INPP4B: variants seen among roughly 807,000 people sequenced by gnomAD.
The protein encoded by INPP4B is inositol polyphosphate 4-phosphatase type II.
A neutral mutation model predicts 122.5 loss-of-function variants in INPP4B; 55 were observed. That is an observed-to-expected ratio of 0.45 (90% CI 0.36 to 0.56). The LOEUF is 0.56. Among genes scored for constraint, INPP4B ranks in the 20% least tolerant of loss-of-function variants. INPP4B has a pLI of 0.00. For synonymous variants in INPP4B, 403 were observed against 388.7 expected, an observed-to-expected ratio of 1.04 and a Z score of -0.43; for missense variants, 1,000 against 1,097.7, an observed-to-expected ratio of 0.91 and a Z score of 1.26.
chr4:142,381,902 T>C (rs1020335028), intron 7 of INPP4B, among the ~76,000 whole-genome samples: 2 of 152,106 alleles, frequency 1.3e-5, no homozygotes, highest in African/African-American at 4.8e-5. Context: ...CTTCTTTTTG[T>C]CTATTACAAT....
chr4:142,229,129 T>C (rs956215498), intron 12 of INPP4B, among the ~76,000 whole-genome samples: 1 of 151,416 alleles, frequency 6.6e-6, no homozygotes, highest in African/African-American at 2.4e-5. Flanking sequence ...TAAGGTTTTC[T>C]ACATTTAATT....
intron 2 of INPP4B, among the ~76,000 whole-genome samples, chr4:142,664,010 C>T (rs563701793): frequency 6.6e-6 from 1 of 152,250 alleles, no homozygotes; most frequent in South Asian, 2.1e-4. Context: ...TGGTTATCTG[C>T]ATTCTTTGAG....
chr4:142,180,006 C>G (rs1054410016), intron 15 of INPP4B, among the ~76,000 whole-genome samples: 1 of 152,082 alleles, frequency 6.6e-6, no homozygotes, highest in Non-Finnish European at 1.5e-5. Context: ...ACCTTATGCC[C>G]TAATATACTT....
intron 2 of INPP4B, among the ~76,000 whole-genome samples, chr4:142,534,134 A>T (rs6835296): frequency 6.6e-6 from 1 of 151,832 alleles, no homozygotes; most frequent in Non-Finnish European, 1.5e-5. Context: ...TAATGCCTTT[A>T]GTGTTTTATG....
At position 142,030,542 on chromosome 4, in the gene INPP4B, G is replaced by C. The variant is rs72939088; in HGVS notation, c.2643-1628C>G. Among the ~76,000 whole-genome samples the C allele has an allele frequency of 7.5e-3, 1,136 of 152,268 alleles. 14 individuals are homozygous for C. Among genetic ancestry groups the C allele is most frequent in the African/African-American group, 0.026 (1,092 of 41,562 alleles). On this transcript the variant is annotated intron_variant, in intron 25 of 25. Transcript: ENST00000262992. ...TTAGCTCTTTGTGCAAGAAGGAAGA[G>C]AGAAACACTGTAATGATATTCACAT...
chr4:142,796,337 GA>G (rs1480473431), intron 1 of INPP4B, among the ~76,000 whole-genome samples: 1 of 151,890 alleles, frequency 6.6e-6, no homozygotes, highest in Non-Finnish European at 1.5e-5. Flanking sequence ...ACATAAAAGG[GA>G]AAAATATATT....
chr4:142,355,953 A>C (rs1783468016), intron 7 of INPP4B, among the ~76,000 whole-genome samples: 1 of 151,686 alleles, frequency 6.6e-6, no homozygotes, highest in African/African-American at 2.4e-5. Flanking sequence ...GAATTCAATA[A>C]GATTACCTAT....
chr4:142,475,224 G>A (rs1232134701), intron 2 of INPP4B, among the ~76,000 whole-genome samples: 2 of 151,942 alleles, frequency 1.3e-5, no homozygotes, highest in South Asian at 2.1e-4. Context: ...AAAACTAGTC[G>A]ACTGAACTCA....
chr4:142,667,871 G>C (rs906527668), intron 2 of INPP4B, among the ~76,000 whole-genome samples: 1 of 152,148 alleles, frequency 6.6e-6, no homozygotes, highest in Non-Finnish European at 1.5e-5. Flanking sequence ...CAAATAAAAA[G>C]CTATAAGCCA....
intron 3 of INPP4B, among the ~76,000 whole-genome samples, chr4:142,448,428 A>T (rs1181473935): frequency 6.6e-6 from 1 of 152,106 alleles, no homozygotes; most frequent in Admixed American, 6.6e-5. Context: ...ACGTCACAAC[A>T]ATGTCACAAC....
chr4:142,463,865 C>A (rs181826968), intron 2 of INPP4B, among the ~76,000 whole-genome samples: 1 of 152,136 alleles, frequency 6.6e-6, no homozygotes, highest in African/African-American at 2.4e-5. Flanking sequence ...CCCAGCCCTG[C>A]AGAACTGAGT....
At chr4:142,566,932 T>C (rs1580385339) in intron 2 of INPP4B, among the ~76,000 whole-genome samples, 1 of 152,276 alleles carries the variant, frequency 6.6e-6, no homozygotes, top group South Asian at 2.1e-4. Context: ...TATATAGAAG[T>C]AAGGACTACG....
intron 3 of INPP4B, among the ~76,000 whole-genome samples, chr4:142,450,069 G>A (rs532525674): frequency 2.0e-5 from 3 of 152,186 alleles, no homozygotes; most frequent in Non-Finnish European, 4.4e-5. Flanking sequence ...ACCTCTTTGT[G>A]ATGGACCCTT....
chr4:142,564,637 A>C (rs1325244630), intron 2 of INPP4B, among the ~76,000 whole-genome samples: 1 of 152,050 alleles, frequency 6.6e-6, no homozygotes, highest in Non-Finnish European at 1.5e-5. Context: ...GGACTCTCTT[A>C]CCCATAAATT....
intron 2 of INPP4B, among the ~76,000 whole-genome samples, chr4:142,510,231 C>A (rs1824540012): frequency 6.6e-6 from 1 of 152,154 alleles, no homozygotes; most frequent in Non-Finnish European, 1.5e-5. Context: ...TTTACTTACA[C>A]AATAATAACT....
rs370708458 is a variant in INPP4B at position 142,283,995 on chromosome 4, T to C, written c.504-13221A>G. Among the ~76,000 whole-genome samples, 282 of 152,140 alleles carry C rather than the reference T, an allele frequency of 1.9e-3. 1 individual carries two copies. The highest frequency in any genetic ancestry group is 5.5e-3 in the African/African-American group (229 of 41,518). On this transcript the variant is annotated intron_variant, in intron 9 of 25. Transcript: ENST00000262992. ...CAAGGGAAGAATAGGTTTTGAGGAG[T>C]GAGCAATTGATCCACTGGGCAGATA...
intron 7 of INPP4B, among the ~76,000 whole-genome samples, chr4:142,396,910 GTGTT>G (rs1266027505): frequency 1.3e-5 from 2 of 152,066 alleles, no homozygotes; most frequent in Non-Finnish European, 2.9e-5. Context: ...CTGTAGGAAA[GTGTT>G]TGCCTCAGGT....
chr4:142,093,543 A>T (rs866678151), intron 23 of INPP4B, among the ~76,000 whole-genome samples: 4 of 152,198 alleles, frequency 2.6e-5, no homozygotes, highest in Admixed American at 1.3e-4. Flanking sequence ...TACTCTGGTG[A>T]GTACTATAGT....
Position 142,560,879 on chromosome 4 carries a change from CA to C in INPP4B, c.-190-98154del, listed in dbSNP as rs1410878991. ...CCCAGGAACAATACTTTGCATCCTT[CA>C]ATGCAGTCAAGTTGACACTCAATAT... On this transcript the variant is annotated intron_variant, in intron 2 of 25. Transcript: ENST00000262992. Among the ~76,000 whole-genome samples the C allele has an allele frequency of 5.3e-5, 8 of 152,250 alleles. No individual in the cohort carries two copies. The East Asian group carries it at 1.4e-3, about 26-fold the overall frequency.
Sources: gnomAD v4.1 joint callset for allele counts (sites outside exome capture counted in the v4.1 genomes callset) on GRCh38, gnomAD v4.1.1 for gene constraint, MANE v1.5 for transcripts, NCBI Gene and HGNC (gene_info 2026-07-23, HGNC 2026-07-21) for gene names.